The following CALN1 variants were observed in gnomAD, a reference collection of about 807,000 sequenced individuals.
The protein encoded by CALN1 is calcium-binding protein 8.
CALN1 carries 17 observed loss-of-function variants against 30.6 expected under a neutral mutation model. That is an observed-to-expected ratio of 0.56 (90% CI 0.38 to 0.83). The LOEUF is 0.83. Ranked by LOEUF, CALN1 falls within the 40% of genes least tolerant of loss-of-function variation. The pLI, the probability that CALN1 is intolerant of heterozygous loss-of-function variation, is 0.00. For synonymous variants in CALN1, 156 were observed against 131.4 expected, an observed-to-expected ratio of 1.19 and a Z score of -1.28; for missense variants, 291 against 354.9, an observed-to-expected ratio of 0.82 and a Z score of 1.45.
chr7:72,062,330 G>C (rs1191275153), intron 4 of CALN1, among the ~76,000 whole-genome samples: 1 of 152,038 alleles, frequency 6.6e-6, no homozygotes, highest in South Asian at 2.1e-4. Flanking sequence ...GGCCAACATG[G>C]TGAAGCCTCA....
At chr7:72,043,358 GAAC>G (rs1382432369) in intron 4 of CALN1, among the ~76,000 whole-genome samples, 2 of 152,050 alleles carry the variant, frequency 1.3e-5, no homozygotes, top group Non-Finnish European at 2.9e-5. Context: ...CAGGGGAGCA[GAAC>G]AACAAGCACA....
intron 3 of CALN1, among the ~76,000 whole-genome samples, chr7:72,251,493 G>A (rs1037760560): frequency 1.3e-5 from 2 of 151,870 alleles, no homozygotes; most frequent in Non-Finnish European, 2.9e-5. Flanking sequence ...CAACCTCCCT[G>A]GGCTTAAGCA....
chr7:72,106,409 A>G, intron 3 of CALN1, 115 bp from the exon 4 acceptor site: 1 of 1,250,818 alleles, frequency 8.0e-7, no homozygotes, highest in South Asian at 1.4e-5. Context: ...GTGATTTGTT[A>G]AAACTCTTTA....
chr7:71,986,056 C>CT (rs139744865), intron 5 of CALN1, among the ~76,000 whole-genome samples: 20,078 of 146,704 alleles, frequency 0.14, 1,975 homozygotes, highest in East Asian at 0.38. Flanking sequence ...AAATCTTTCT[C>CT]TTTTTTTTTT....
the CALN1 span, among the ~76,000 whole-genome samples, chr7:72,478,564 T>C: frequency 3.3e-5 from 5 of 151,494 alleles, no homozygotes; most frequent in East Asian, 9.7e-4. Flanking sequence ...GCCACAAACA[T>C]CCCAGTCTTC....
intron 1 of CALN1, among the ~76,000 whole-genome samples, chr7:72,410,851 G>GA (rs899144764): frequency 2.6e-5 from 4 of 152,060 alleles, no homozygotes; most frequent in Admixed American, 6.6e-5. Context: ...GCTAAAATCA[G>GA]AAAAAATACA....
chr7:71,946,735 C>A (rs1464634390), intron 5 of CALN1, among the ~76,000 whole-genome samples: 1 of 151,936 alleles, frequency 6.6e-6, no homozygotes, highest in African/African-American at 2.4e-5. Flanking sequence ...GGCCTTTTTT[C>A]CTCCTTGAGA....
intron 3 of CALN1, among the ~76,000 whole-genome samples, chr7:72,243,091 C>A (rs919102797): frequency 6.6e-6 from 1 of 152,036 alleles, no homozygotes; most frequent in Non-Finnish European, 1.5e-5. Flanking sequence ...AGCCTTAATT[C>A]CCAATGTGAT....
At chr7:72,103,173 A>G (rs1036822826) in intron 4 of CALN1, 2 of 154,410 alleles carry the variant, frequency 1.3e-5, no homozygotes, top group African/African-American at 4.8e-5. Context: ...CAAATCTCTG[A>G]ATCTAGCCTG....
intron 1 of CALN1, among the ~76,000 whole-genome samples, chr7:72,443,421 G>A (rs760548765): frequency 1.3e-5 from 2 of 152,068 alleles, no homozygotes; most frequent in African/African-American, 2.4e-5. Flanking sequence ...CGCCTTTCAC[G>A]CACCCCGGGT....
rs143905129 is a variant in CALN1 at position 72,277,269 on chromosome 7, C to A, written c.244+1417G>T. ...TGGTGTTTTGTTACAGCAGCCTGAACAGACCAAGACACCACCCAAGGGCAG... is the reference window on the plus strand; with the variant it reads ...TGGTGTTTTGTTACAGCAGCCTGAAAAGACCAAGACACCACCCAAGGGCAG... On this transcript the variant is annotated intron_variant, in intron 3 of 6. Coordinates refer to ENST00000395275, the MANE Select transcript of CALN1 (RefSeq NM_031468.4). 9.7e-3 allele frequency among the ~76,000 whole-genome samples: 1,483 copies of A among 152,322 alleles called. 25 individuals carry two copies. Among genetic ancestry groups the A allele is most frequent in the African/African-American group, 0.033 (1,391 of 41,566 alleles).
chr7:71,923,965 G>A (rs1296745251), intron 5 of CALN1, among the ~76,000 whole-genome samples: 7 of 152,018 alleles, frequency 4.6e-5, no homozygotes, highest in African/African-American at 1.5e-4. Context: ...GGCCAACATG[G>A]GTGGATCACT....
intron 3 of CALN1, among the ~76,000 whole-genome samples, chr7:72,125,935 G>T (rs973513742): frequency 6.6e-6 from 1 of 151,580 alleles, no homozygotes; most frequent in African/African-American, 2.4e-5. Context: ...CCCAAGTAGG[G>T]ATTATAGGCG....
intron 1 of CALN1, among the ~76,000 whole-genome samples, chr7:72,429,016 C>G (rs1422327171): frequency 1.3e-5 from 2 of 152,188 alleles, no homozygotes; most frequent in African/African-American, 4.8e-5. Flanking sequence ...CAGCTGCTGT[C>G]CGGCCTGGCT....
Position 72,330,647 on chromosome 7 carries a change from G to T in CALN1, c.120-51837C>A, listed in dbSNP as rs547536074. On this transcript the variant is annotated intron_variant, in intron 2 of 6. Transcript: ENST00000395275. ...GAATTCATCATTTTCCCCAGTACCT[G>T]AACCAGAGATGCTCAATACATTCTG... Among the ~76,000 whole-genome samples the T allele has an allele frequency of 3.3e-5, 5 of 152,242 alleles. No individual in the cohort carries two copies. The South Asian group carries it at 1.0e-3, about 32-fold the overall frequency.
chr7:72,466,046 C>T, the CALN1 span, among the ~76,000 whole-genome samples: 1 of 152,174 alleles, frequency 6.6e-6, no homozygotes, highest in African/African-American at 2.4e-5. Flanking sequence ...AGACTATATG[C>T]TTCTGCTGGT....
At chr7:71,857,325 C>T (rs1791015545) in intron 5 of CALN1, among the ~76,000 whole-genome samples, 1 of 152,168 alleles carries the variant, frequency 6.6e-6, no homozygotes, top group Non-Finnish European at 1.5e-5. Context: ...CTTCCCGCCT[C>T]TGGCACTGTC....
At chr7:71,819,638 A>T (rs953535784) in intron 5 of CALN1, among the ~76,000 whole-genome samples, 2 of 152,160 alleles carry the variant, frequency 1.3e-5, no homozygotes, top group Admixed American at 1.3e-4. Context: ...TTATCATTAA[A>T]CACTATCTCC....
intron 4 of CALN1, among the ~76,000 whole-genome samples, chr7:72,034,376 G>C (rs201733021): frequency 7.1e-6 from 1 of 141,778 alleles, no homozygotes; most frequent in Admixed American, 7.1e-5. Flanking sequence ...AAAAAGAAAA[G>C]AAAAGAAACT....
Sources: allele counts gnomAD v4.1 joint callset (sites outside exome capture counted in the v4.1 genomes callset), GRCh38; gene constraint gnomAD v4.1.1; transcripts MANE v1.5; gene names NCBI Gene and HGNC (gene_info 2026-07-23, HGNC 2026-07-21).